The following SDCCAG8 variants were observed in gnomAD, a reference collection of about 807,000 sequenced individuals.
The protein encoded by SDCCAG8 is serologically defined colon cancer antigen 8.
SDCCAG8 carries 74 observed loss-of-function variants against 101.8 expected under a neutral mutation model. That is an observed-to-expected ratio of 0.73 (90% CI 0.60 to 0.88). The LOEUF (loss-of-function observed/expected upper bound fraction) is 0.88. SDCCAG8 is among the 40% of genes least tolerant of loss of function. SDCCAG8 has a pLI of 0.00. For missense variants in SDCCAG8, 787 were observed against 822.6 expected, an observed-to-expected ratio of 0.96 and a Z score of 0.53; for synonymous variants, 281 against 292.9, an observed-to-expected ratio of 0.96 and a Z score of 0.41.
At position 243,256,149 on chromosome 1, in the gene SDCCAG8, C is replaced by T. The variant is rs916303772; in HGVS notation, c.-25C>T. 1 of 1,610,186 alleles carries T rather than the reference C, an allele frequency of 6.2e-7. No homozygotes were observed. The highest frequency in any genetic ancestry group is 2.2e-5 in the East Asian group (1 of 44,892). On this transcript the variant is annotated 5_prime_UTR_variant, in exon 1 of 18. Transcript: ENST00000366541. ...AGCTGGACATTTCCCCACGTAACTCCCAGCTCTGGGCCTAGAGTGCGTGCA... is the reference window on the plus strand; with the variant it reads ...AGCTGGACATTTCCCCACGTAACTCTCAGCTCTGGGCCTAGAGTGCGTGCA...
At chr1:243,305,409 T>G (rs1216363640) in intron 7 of SDCCAG8, 1 of 152,160 alleles carries the variant, frequency 6.6e-6, no homozygotes, top group Non-Finnish European at 1.5e-5. Context: ...TTTCAAATTA[T>G]TAGTATTTTT....
rs538228675 is a variant in SDCCAG8 at position 243,290,984 on chromosome 1, T to C, written c.547-2107T>C. 9.1e-4 allele frequency among the ~76,000 whole-genome samples: 139 copies of C among 152,338 alleles called. 1 individual carries two copies. Among genetic ancestry groups the C allele is most frequent in the African/African-American group, 3.2e-3 (133 of 41,568 alleles). ...TGTCCTCCAAGCTCTTAGCACAGTGTCTGAACACCATAGGTGTTACACAAA... is the reference window on the plus strand; with the variant it reads ...TGTCCTCCAAGCTCTTAGCACAGTGCCTGAACACCATAGGTGTTACACAAA... On this transcript the variant is annotated intron_variant, in intron 5 of 17. Transcript: ENST00000366541.
At chr1:243,329,811 G>T (rs1318379778) in intron 9 of SDCCAG8, among the ~76,000 whole-genome samples, 1 of 152,110 alleles carries the variant, frequency 6.6e-6, no homozygotes, top group Non-Finnish European at 1.5e-5. Context: ...TTGTAAAAGT[G>T]GCCAAAATGA....
At chr1:243,459,688 G>A (rs1415875161) in intron 16 of SDCCAG8, among the ~76,000 whole-genome samples, 1 of 152,116 alleles carries the variant, frequency 6.6e-6, no homozygotes, top group East Asian at 1.9e-4. Flanking sequence ...GCTCGTGGCA[G>A]CCTTAACTCC....
In SDCCAG8 at chr1:243,324,248, T is replaced by C. The variant is rs549470081; in HGVS notation, c.1069-6292T>C. Among the ~76,000 whole-genome samples, 3 of 152,266 alleles carry C rather than the reference T, an allele frequency of 2.0e-5. No individual in the cohort carries two copies. In the South Asian group the frequency reaches 6.2e-4, roughly 32 times the overall value. On this transcript the variant is annotated intron_variant, in intron 9 of 17. Coordinates refer to ENST00000366541, the MANE Select transcript of SDCCAG8 (RefSeq NM_006642.5). The stretch of plus-strand genomic sequence containing the variant: ...CCTTTTCTTTCTACCATTTTCTCTA[T>C]GATCGTCTTCAAACAAAGGCATCAC...
chr1:243,473,157 T>C (rs537964974), intron 16 of SDCCAG8, among the ~76,000 whole-genome samples: 5 of 152,308 alleles, frequency 3.3e-5, no homozygotes, highest in Admixed American at 3.3e-4. Flanking sequence ...AAGAAATCCC[T>C]ACTTTAATCT....
At chr1:243,380,622 C>A (rs1434709719) in intron 13 of SDCCAG8, among the ~76,000 whole-genome samples, 1 of 151,392 alleles carries the variant, frequency 6.6e-6, no homozygotes, top group Non-Finnish European at 1.5e-5. Flanking sequence ...TGAAAATGGA[C>A]GAGTGGTAAC....
At chr1:243,444,199 A>G (rs1420775388) in intron 16 of SDCCAG8, among the ~76,000 whole-genome samples, 2 of 152,210 alleles carry the variant, frequency 1.3e-5, no homozygotes, top group African/African-American at 4.8e-5. Context: ...TGAAAGAAGC[A>G]GCAAAACAAT....
chr1:243,281,677 A>G (rs1293568439), intron 4 of SDCCAG8, among the ~76,000 whole-genome samples: 2 of 124,134 alleles, frequency 1.6e-5, no homozygotes, highest in African/African-American at 5.9e-5. Context: ...TTAGAGATAG[A>G]GTCTTGCCCT....
At chr1:243,496,237 A>ATG (rs1667821103) in intron 17 of SDCCAG8, among the ~76,000 whole-genome samples, 1 of 152,218 alleles carries the variant, frequency 6.6e-6, no homozygotes, top group African/African-American at 2.4e-5. Flanking sequence ...AGGCCACAGG[A>ATG]TGTGTGGATG....
chr1:243,415,754 G>A lies in SDCCAG8; in HGVS notation c.1669G>A (p.Ala557Thr). 6.2e-7 allele frequency: 1 copy of A among 1,613,848 alleles called. No homozygotes were observed. Among genetic ancestry groups the A allele is most frequent in the Non-Finnish European group, 8.5e-7 (1 of 1,179,818 alleles). ...QSFSKEAKAQALQAQQREQEL... is the reference protein window; with the variant it reads ...QSFSKEAKAQTLQAQQREQEL... ...CTTTAGCAAGGAAGCAAAGGCCCAA[G>A]CCCTTCAGGCCCAGCAAAGAGAGCA... The change falls in exon 14 of 18, where the codon GCC becomes ACC. Residue 557 changes from alanine to threonine, a missense_variant. Transcript: ENST00000366541.
intron 4 of SDCCAG8, among the ~76,000 whole-genome samples, chr1:243,275,120 G>A (rs2068429051): frequency 6.6e-6 from 1 of 152,136 alleles, no homozygotes; most frequent in Admixed American, 6.5e-5. Flanking sequence ...GGTTCATAGG[G>A]TACTGACAGT....
intron 7 of SDCCAG8, chr1:243,306,536 C>G (rs563809105): frequency 1.3e-4 from 20 of 152,040 alleles, no homozygotes; most frequent in Non-Finnish European, 2.6e-4. Context: ...TAAATAAAAT[C>G]AGTCTTCTTT....
At chr1:243,400,374 A>G (rs1248341403) in intron 13 of SDCCAG8, among the ~76,000 whole-genome samples, 2 of 152,202 alleles carry the variant, frequency 1.3e-5, no homozygotes, top group East Asian at 1.9e-4. Flanking sequence ...AAACTATCAT[A>G]TGGGGATTAT....
At chr1:243,311,730 CAT>C (rs1168982285) in intron 8 of SDCCAG8, among the ~76,000 whole-genome samples, 1 of 150,390 alleles carries the variant, frequency 6.6e-6, no homozygotes, top group Non-Finnish European at 1.5e-5. Context: ...GTCTGGGCAA[CAT>C]AGGGAAACCC....
At chr1:243,429,013 A>C (rs2081531523) in intron 16 of SDCCAG8, among the ~76,000 whole-genome samples, 1 of 152,142 alleles carries the variant, frequency 6.6e-6, no homozygotes, top group Non-Finnish European at 1.5e-5. Flanking sequence ...CAATACATAA[A>C]CCTTGAATAA....
At chr1:243,468,325 C>G (rs987247671) in intron 16 of SDCCAG8, among the ~76,000 whole-genome samples, 4 of 151,484 alleles carry the variant, frequency 2.6e-5, no homozygotes, top group African/African-American at 9.7e-5. Flanking sequence ...TCAAGCAATT[C>G]TCTTGTCTCA....
At chr1:243,439,622 T>TCACACACACACACACACACACACA (rs60044857) in intron 16 of SDCCAG8, among the ~76,000 whole-genome samples, 65 of 120,194 alleles carry the variant, frequency 5.4e-4, no homozygotes, top group East Asian at 5.1e-4. Context: ...TGAGACTCCA[T>TCACACACACACACACACACACACA]CACACACACA....
At chr1:243,330,071 G>C (rs1412343608) in intron 9 of SDCCAG8, among the ~76,000 whole-genome samples, 1 of 152,174 alleles carries the variant, frequency 6.6e-6, no homozygotes. Flanking sequence ...AAAGATGCCT[G>C]TGTGTAATGA....
Sources: gnomAD v4.1 joint callset for allele counts (sites outside exome capture counted in the v4.1 genomes callset) on GRCh38, gnomAD v4.1.1 for gene constraint, MANE v1.5 for transcripts, NCBI Gene and HGNC (gene_info 2026-07-23, HGNC 2026-07-21) for gene names.